The following LRP1B variants were observed in gnomAD, a reference collection of about 807,000 sequenced individuals.
LRP1B encodes the protein LDL receptor related protein 1B.
In LRP1B, 217 loss-of-function variants were observed where a neutral mutation model predicts 556.6. That is an observed-to-expected ratio of 0.39 (90% CI 0.35 to 0.44). The LOEUF (loss-of-function observed/expected upper bound fraction) is 0.44. Ranked by LOEUF, LRP1B falls within the 20% of genes least tolerant of loss-of-function variation. The pLI, the probability that LRP1B is intolerant of heterozygous loss-of-function variation, is 1.00. For synonymous variants in LRP1B, 2,047 were observed against 1,865.8 expected, an observed-to-expected ratio of 1.10 and a Z score of -2.50; for missense variants, 5,053 against 5,620.8, an observed-to-expected ratio of 0.90 and a Z score of 3.23.
intron 35 of LRP1B, among the ~76,000 whole-genome samples, chr2:140,726,512 T>C (rs1164911243): frequency 1.3e-5 from 2 of 152,156 alleles, no homozygotes; most frequent in African/African-American, 4.8e-5. Context: ...CCTGTTTGCA[T>C]GGCAATTGAA....
At chr2:140,875,662 C>T (rs1010269704) in intron 25 of LRP1B, among the ~76,000 whole-genome samples, 2 of 151,990 alleles carry the variant, frequency 1.3e-5, no homozygotes, top group Admixed American at 1.3e-4. Context: ...TCTTTTCTGA[C>T]CTAATTAATC....
At chr2:140,934,713 T>A (rs1297347773) in intron 20 of LRP1B, among the ~76,000 whole-genome samples, 2 of 152,130 alleles carry the variant, frequency 1.3e-5, no homozygotes, top group African/African-American at 4.8e-5. Context: ...CTGACTGTTG[T>A]CACTGACCGC....
intron 2 of LRP1B, among the ~76,000 whole-genome samples, chr2:141,698,471 A>G (rs916458647): frequency 6.8e-6 from 1 of 146,780 alleles, no homozygotes; most frequent in African/African-American, 2.6e-5. Flanking sequence ...AGATCCAGAC[A>G]TTGCAAAATC....
intron 21 of LRP1B, among the ~76,000 whole-genome samples, chr2:140,917,850 T>G (rs143124305): frequency 2.6e-5 from 4 of 152,190 alleles, no homozygotes; most frequent in Non-Finnish European, 5.9e-5. Flanking sequence ...AGACTTTGGA[T>G]GAGAAAGATG....
intron 72 of LRP1B, among the ~76,000 whole-genome samples, chr2:140,364,282 T>C (rs1682651464): frequency 6.6e-6 from 1 of 151,560 alleles, no homozygotes; most frequent in Non-Finnish European, 1.5e-5. Flanking sequence ...TTTTATTATT[T>C]ATATATTTTT....
intron 2 of LRP1B, among the ~76,000 whole-genome samples, chr2:141,521,095 G>T (rs1684512788): frequency 6.6e-6 from 1 of 151,666 alleles, no homozygotes; most frequent in Non-Finnish European, 1.5e-5. Flanking sequence ...ATATATCAGT[G>T]AAAAAAAATA....
intron 1 of LRP1B, among the ~76,000 whole-genome samples, chr2:141,968,831 A>T (rs1417528212): frequency 6.6e-6 from 1 of 151,812 alleles, no homozygotes; most frequent in Non-Finnish European, 1.5e-5. Context: ...ACCACTGTTT[A>T]AACATCTTCC....
intron 66 of LRP1B, among the ~76,000 whole-genome samples, chr2:140,418,004 G>T (rs1685273254): frequency 6.6e-6 from 1 of 152,174 alleles, no homozygotes; most frequent in African/African-American, 2.4e-5. Flanking sequence ...CAACTTCAGA[G>T]ATTTCTTTTA....
At chr2:141,414,749 C>G (rs1378178569) in intron 3 of LRP1B, among the ~76,000 whole-genome samples, 1 of 152,186 alleles carries the variant, frequency 6.6e-6, no homozygotes, top group Non-Finnish European at 1.5e-5. Flanking sequence ...TGCAATTTTT[C>G]TCAGTAACAA....
chr2:140,572,936 T>A lies in LRP1B; in HGVS notation c.7194+25695A>T, dbSNP rs574864643. On this transcript the variant is annotated intron_variant, in intron 43 of 90. Transcript: ENST00000389484. ...GATAAATATCACATGTTTTCACTCATGTGTAGAAGCTAAAAACATCGATCC... is the reference window on the plus strand; with the variant it reads ...GATAAATATCACATGTTTTCACTCAAGTGTAGAAGCTAAAAACATCGATCC... Among the ~76,000 whole-genome samples the A allele has an allele frequency of 5.3e-5, 8 of 152,000 alleles. No homozygotes were observed. In the South Asian group the frequency reaches 1.7e-3, roughly 31 times the overall value.
intron 2 of LRP1B, among the ~76,000 whole-genome samples, chr2:141,545,745 C>T (rs1685527397): frequency 6.6e-6 from 1 of 151,898 alleles, no homozygotes; most frequent in African/African-American, 2.4e-5. Context: ...AGAGACATGG[C>T]AACGGAAGAA....
intron 4 of LRP1B, among the ~76,000 whole-genome samples, chr2:141,248,667 G>C (rs1361431272): frequency 1.3e-5 from 2 of 152,158 alleles, no homozygotes; most frequent in Admixed American, 6.6e-5. Flanking sequence ...GCCAGATAAT[G>C]AAGATATTTG....
At chr2:140,966,451 C>A (rs966449823) in intron 18 of LRP1B, among the ~76,000 whole-genome samples, 1 of 152,096 alleles carries the variant, frequency 6.6e-6, no homozygotes, top group African/African-American at 2.4e-5. Context: ...GATATTAGCC[C>A]TTTGTCAGAT....
At chr2:141,157,603 A>G (rs776480430) in intron 7 of LRP1B, among the ~76,000 whole-genome samples, 11 of 152,120 alleles carry the variant, frequency 7.2e-5, no homozygotes, top group Non-Finnish European at 1.6e-4. Context: ...GATTCATTCA[A>G]ATAGTAATAT....
intron 1 of LRP1B, among the ~76,000 whole-genome samples, chr2:142,062,651 G>A (rs183385937): frequency 6.1e-4 from 93 of 151,836 alleles, no homozygotes; most frequent in Admixed American, 1.6e-3. Context: ...AACTAAATTT[G>A]AAGCAAACTA....
chr2:141,745,382 C>T (rs1693877241), intron 2 of LRP1B, among the ~76,000 whole-genome samples: 1 of 152,136 alleles, frequency 6.6e-6, no homozygotes, highest in Non-Finnish European at 1.5e-5. Context: ...TGAGCTGGAA[C>T]TTAAACTACA....
intron 2 of LRP1B, among the ~76,000 whole-genome samples, chr2:141,571,541 T>C (rs7592963): frequency 0.079 from 12,030 of 152,136 alleles, 561 homozygotes; most frequent in South Asian, 0.13. Flanking sequence ...ATGATCATAA[T>C]GTCTCTCCAT....
chr2:140,308,618 A>G (rs1263092272), intron 83 of LRP1B, among the ~76,000 whole-genome samples: 2 of 151,732 alleles, frequency 1.3e-5, no homozygotes. Flanking sequence ...ATGATGTTTT[A>G]TACCTAACTA....
Position 140,444,578 on chromosome 2 carries a change from C to T in LRP1B, c.10159G>A (p.Asp3387Asn), listed in dbSNP as rs2105304880. The change falls in exon 64 of 91, where the codon GAT becomes AAT. Residue 3387 changes from aspartate to asparagine, a missense_variant. Asp to Asn is a conservative substitution (Grantham distance 23, BLOSUM62 1). This residue lies in a region of LRP1B where 262 missense variants were observed against 395.1 expected (regional missense o/e 0.66). Transcript: ENST00000389484. ...AATCACCTACCACAGTTGAGTTCAT[C>T]AGAATTGTCTCCACAATCATTCTCT... is the stretch of plus-strand genomic sequence containing the variant. ...DGENDCGDNS[D>N]ELNCDTHVCL... The T allele has an allele frequency of 6.2e-7, 1 of 1,613,714 alleles. No individual in the cohort carries two copies. The highest frequency in any genetic ancestry group is 8.5e-7 in the Non-Finnish European group (1 of 1,179,702).
Sources: gnomAD v4.1 joint callset for allele counts (sites outside exome capture counted in the v4.1 genomes callset) on GRCh38, gnomAD v4.1.1 for gene constraint, gnomAD v4.1.1 regional missense constraint, MANE v1.5 for transcripts, NCBI Gene and HGNC (gene_info 2026-07-23, HGNC 2026-07-21) for gene names.